APOH: variants seen among roughly 807,000 people sequenced by gnomAD.
The protein encoded by APOH is beta-2-glycoprotein 1.
Under a neutral mutation model 39.8 loss-of-function variants are expected in APOH, and 48 were observed. That is an observed-to-expected ratio of 1.21 (90% CI 0.96 to 1.54). APOH has a LOEUF of 1.54. APOH is among the 40% of genes most tolerant of loss of function. The pLI, the probability that APOH is intolerant of heterozygous loss-of-function variation, is 0.00. For synonymous variants in APOH, 153 were observed against 151.1 expected (o/e 1.01, Z -0.09); for missense variants, 415 against 421.2 (o/e 0.99, Z 0.13).
In APOH at chr17:66,214,468, G is replaced by A. The variant is rs2073352619; in HGVS notation, c.967C>T (p.Pro323Ser). 6.2e-7 allele frequency: 1 copy of A among 1,613,692 alleles called. No individual in the cohort carries two copies. The highest frequency in any genetic ancestry group is 1.3e-5 in the African/African-American group (1 of 75,006). ...GCAGACTTACCCTTGAAGCATTTGG[G>A]GACTTCGATAGTGCCATCTATACAC... ...AQCIDGTIEVPKCFKEHSSLA... is the reference protein window; with the variant it reads ...AQCIDGTIEVSKCFKEHSSLA... The change falls in exon 7 of 8, where the codon CCC becomes TCC. Residue 323 changes from proline to serine, a missense_variant. Pro to Ser is a moderately conservative substitution (Grantham distance 74). Transcript: ENST00000205948.
intron 7 of APOH, 23 bp from the exon 8 acceptor site, chr17:66,212,211 A>G (rs777848115): frequency 6.2e-7 from 1 of 1,601,272 alleles, no homozygotes; most frequent in South Asian, 1.1e-5. Context: ...AAAAAGATAA[A>G]CATTCTAAGA....
At chr17:66,224,319 C>A (rs1268757971) in intron 3 of APOH, among the ~76,000 whole-genome samples, 1 of 151,458 alleles carries the variant, frequency 6.6e-6, no homozygotes, top group Non-Finnish European at 1.5e-5. Context: ...AAAAAGTCAC[C>A]AGGCCGTGGT....
intron 4 of APOH, among the ~76,000 whole-genome samples, chr17:66,221,388 G>T (rs1044357315): frequency 1.8e-5 from 1 of 55,212 alleles, no homozygotes; most frequent in African/African-American, 1.2e-4. Context: ...AGGGAGGAAG[G>T]AAGGAAGGAA....
At chr17:66,225,760 C>T (rs2073435395) in intron 3 of APOH, among the ~76,000 whole-genome samples, 1 of 152,066 alleles carries the variant, frequency 6.6e-6, no homozygotes, top group Non-Finnish European at 1.5e-5. Context: ...GCCAGTAGTC[C>T]CAGCTACTCA....
At chr17:66,226,194 T>G in intron 2 of APOH, 70 bp from the exon 3 acceptor site, 1 of 1,095,406 alleles carries the variant, frequency 9.1e-7, no homozygotes, top group South Asian at 1.5e-5. Context: ...TAAATTTCTA[T>G]TTATAGAATT....
chr17:66,219,788 G>T (rs183945749), intron 5 of APOH, among the ~76,000 whole-genome samples: 1 of 151,996 alleles, frequency 6.6e-6, no homozygotes, highest in Non-Finnish European at 1.5e-5. Flanking sequence ...GTATGGTGAC[G>T]GGCACCTGTA....
intron 6 of APOH, among the ~76,000 whole-genome samples, chr17:66,215,482 CTCTT>C (rs2073359532): frequency 6.6e-6 from 1 of 152,206 alleles, no homozygotes; most frequent in East Asian, 1.9e-4. Context: ...ATCTGCCTCA[CTCTT>C]TCTTCTCCTG....
chr17:66,214,415 A>T, intron 7 of APOH, 38 bp downstream of exon 7: 1 of 1,569,740 alleles, frequency 6.4e-7, no homozygotes, highest in Non-Finnish European at 8.8e-7. Flanking sequence ...ATGACGGGCA[A>T]GTGGGAGTCC....
intron 1 of APOH, among the ~76,000 whole-genome samples, 179 bp from the exon 2 acceptor site, chr17:66,228,375 TTA>T (rs1354595170): frequency 6.6e-6 from 1 of 152,168 alleles, no homozygotes; most frequent in Non-Finnish European, 1.5e-5. Flanking sequence ...GAAGGAGGTA[TTA>T]TAATTATCCC....
At position 66,220,716 on chromosome 17, in the gene APOH, G is replaced by T. The variant is rs934439825; in HGVS notation, c.442C>A (p.Pro148Thr). The T allele has an allele frequency of 6.2e-7, 1 of 1,613,340 alleles. No individual in the cohort carries two copies. Among genetic ancestry groups the T allele is most frequent in the Non-Finnish European group, 8.5e-7 (1 of 1,179,546 alleles). Residue 148 changes from proline to threonine, a missense_variant, in exon 5 of 8, where the codon CCT becomes ACT. Physicochemically the swap from Pro to Thr is conservative, Grantham distance 38. Around this residue, in one of 3 missense-constraint regions of APOH, gnomAD observed 288 missense variants for 284.9 expected, o/e 1.01. Transcript: ENST00000205948. ...TAAACACGAAGTGTTGCAAACGTAG[G>T]TATGGATGGTGGAGGGCAGATGATG... ...APIICPPPSI[P>T]TFATLRVYKP... is the part of the protein sequence containing the mutation.
chr17:66,213,352 T>C (rs2073346373), intron 7 of APOH, among the ~76,000 whole-genome samples: 1 of 152,188 alleles, frequency 6.6e-6, no homozygotes, highest in Admixed American at 6.5e-5. Flanking sequence ...CTGGTATCAT[T>C]CTCCTTAAAA....
At chr17:66,212,677 C>G (rs1029611544) in intron 7 of APOH, among the ~76,000 whole-genome samples, 1 of 152,128 alleles carries the variant, frequency 6.6e-6, no homozygotes, top group African/African-American at 2.4e-5. Context: ...CTGCGCCTGG[C>G]CAAGATCCTC....
chr17:66,214,727 A>C, intron 6 of APOH, 77 bp from the exon 7 acceptor site: 2 of 1,241,728 alleles, frequency 1.6e-6, no homozygotes, highest in South Asian at 2.5e-5. Context: ...CATTTGAAAC[A>C]GTAGATGAGT....
Position 66,212,193 on chromosome 17 carries a change from T to TG in APOH, c.983-6dup, listed in dbSNP as rs2073340187. On this transcript the variant is annotated splice_region_variant and splice_polypyrimidine_tract_variant and intron_variant, in intron 7 of 7. Transcript: ENST00000205948. ...AAAAAGCCAGAGAACTGTGTTCTGT[T>TG]GGGGGAGAAAAAGATAAACATTCTA... 1 of 1,612,684 alleles carries TG rather than the reference T, an allele frequency of 6.2e-7. No homozygotes were observed. The highest frequency in any genetic ancestry group is 8.5e-7 in the Non-Finnish European group (1 of 1,178,920).
rs113600096 is a variant in APOH, at chr17:66,226,077, A to G, written c.289T>C (p.Tyr97His). ...AGILENGAVR[Y>H]TTFEYPNTIS... ...GTGTTGGGATATTCAAAAGTCGTAT[A>G]GCGTACGGCTCCATTTTCTAAGATT... The change falls in exon 3 of 8, where the codon TAT (tyrosine) becomes CAT (histidine). Residue 97 changes from tyrosine (Y) to histidine (H), a missense_variant. By Grantham distance (83) the Tyr-to-His change is moderately conservative. Coordinates refer to ENST00000205948, the MANE Select transcript of APOH (RefSeq NM_000042.3). 31 of 1,613,918 alleles carry G rather than the reference A, an allele frequency of 1.9e-5. No homozygotes were observed. The highest frequency in any genetic ancestry group is 1.6e-4 in the African/African-American group (12 of 75,062).
In APOH at chr17:66,223,735, C is replaced by T. The variant is rs762382292; in HGVS notation, c.378G>A (p.Glu126=). Residue 126 remains glutamate, a synonymous_variant, in exon 4 of 8, where the codon GAG becomes GAA. Transcript: ENST00000205948. ...GAAGCTCCGGGCTCCATTTTCCTTC[C>T]TCAGTGCACTTGGCAGAATCAGCGC... ...LNGADSAKCT[E]EGKWSPELPV... 4.3e-6 allele frequency: 7 copies of T among 1,614,090 alleles called. No individual in the cohort carries two copies. The Admixed American group carries it at 6.7e-5, about 15-fold the overall frequency.
At chr17:66,214,292 C>T (rs1168644866) in intron 7 of APOH, among the ~76,000 whole-genome samples, 161 bp downstream of exon 7, 1 of 152,204 alleles carries the variant, frequency 6.6e-6, no homozygotes, top group African/African-American at 2.4e-5. Flanking sequence ...CTCGTGACCT[C>T]AGGTGATCCA....
At chr17:66,219,777 A>G (rs2215414) in intron 5 of APOH, among the ~76,000 whole-genome samples, 98,831 of 151,900 alleles carry the variant, frequency 0.65, 33,396 homozygotes, top group East Asian at 0.89. Context: ...AAATTAGCCA[A>G]GTATGGTGAC....
chr17:66,217,511 C>T (rs568197520), intron 5 of APOH, among the ~76,000 whole-genome samples: 3 of 152,216 alleles, frequency 2.0e-5, no homozygotes, highest in Non-Finnish European at 2.9e-5. Flanking sequence ...CCCAAACCCA[C>T]GTCCTTATGA....
Sources: allele counts gnomAD v4.1 joint callset (sites outside exome capture counted in the v4.1 genomes callset), GRCh38; gene constraint gnomAD v4.1.1; regional missense constraint gnomAD v4.1.1; transcripts MANE v1.5; gene names NCBI Gene and HGNC (gene_info 2026-07-23, HGNC 2026-07-21).